Variants in C1orf94 observed in about 807,000 individuals in gnomAD.
C1orf94 encodes the protein uncharacterized protein C1orf94.
In C1orf94, 45 loss-of-function variants were observed where a neutral mutation model predicts 53.6. That is an observed-to-expected ratio of 0.84 (90% CI 0.66 to 1.08). The LOEUF (loss-of-function observed/expected upper bound fraction) is 1.08, where lower values mean the gene tolerates loss of function less well. C1orf94 is among the 50% of genes least tolerant of loss of function. C1orf94 has a pLI of 0.00. For missense variants in C1orf94, 762 were observed against 738.9 expected (o/e 1.03, Z -0.36); for synonymous variants, 304 against 296.1 (o/e 1.03, Z -0.27).
intron 2 of C1orf94, among the ~76,000 whole-genome samples, chr1:34,199,724 G>A (rs1249049691): frequency 6.6e-6 from 1 of 152,154 alleles, no homozygotes; most frequent in African/African-American, 2.4e-5. Context: ...GTCTGCATTG[G>A]GAGAATAAAT....
chr1:34,180,421 A>C lies in C1orf94; in HGVS notation c.320+2312A>C, dbSNP rs552214902. On this transcript the variant is annotated intron_variant, in intron 1 of 6. Coordinates refer to ENST00000488417, the MANE Select transcript of C1orf94 (RefSeq NM_001134734.2). The stretch of plus-strand genomic sequence containing the variant: ...ATCACTGAGTTTCAATAATTATCAC[A>C]TTGTGCCATTCTGGTTTCAATTGCT... 1.9e-3 allele frequency among the ~76,000 whole-genome samples: 295 copies of C among 152,346 alleles called. 3 individuals carry two copies. Among genetic ancestry groups the C allele is most frequent in the Non-Finnish European group, 3.7e-3 (251 of 68,040 alleles).
intron 1 of C1orf94, among the ~76,000 whole-genome samples, chr1:34,188,740 G>A (rs1030112101): frequency 6.6e-6 from 1 of 152,180 alleles, no homozygotes; most frequent in African/African-American, 2.4e-5. Context: ...GGAGGGCTGG[G>A]GGTGGGGAGG....
At position 34,197,606 on chromosome 1, in the gene C1orf94, G is replaced by T. The variant is rs1185858537; in HGVS notation, c.702G>T (p.Leu234Phe). The T allele has an allele frequency of 2.5e-6, 4 of 1,614,012 alleles. No homozygotes were observed. The highest frequency in any genetic ancestry group is 3.4e-6 in the Non-Finnish European group (4 of 1,180,024). The change falls in exon 2 of 7, where the codon TTG (leucine) becomes TTT (phenylalanine). Residue 234 changes from leucine to phenylalanine, a missense_variant. Leu to Phe is a conservative substitution (Grantham distance 22, BLOSUM62 0). Coordinates refer to ENST00000488417, the MANE Select transcript of C1orf94 (RefSeq NM_001134734.2). The surrounding 1 kb of genome is among the most constrained non-coding windows in gnomAD (Gnocchi z 4.1). ...GCCGCATCCTAGGTGACTCCAACTT[G>T]CAAGTCAGCAAGCTTCTGTCCCAGT... ...DRGRILGDSN[L>F]QVSKLLSQFP...
chr1:34,179,737 GTTGTTGTTGTTGTTT>G (rs936003279), intron 1 of C1orf94, among the ~76,000 whole-genome samples: 3 of 152,148 alleles, frequency 2.0e-5, no homozygotes, highest in African/African-American at 4.8e-5. Context: ...GGGATTTGTT[GTTGTTGTTGTTGTTT>G]TTGTTGTTGT....
rs540897178 is a variant in C1orf94, at chr1:34,178,025, C to G, written c.236C>G (p.Ala79Gly). ...IWKRVQGLPE[A>G]SQPWTSMEQL... ...AAGAGAGTTCAAGGCCTGCCTGAGG[C>G]CTCACAGCCCTGGACCTCCATGGAG... The change falls in exon 1 of 7, where the codon GCC becomes GGC. Residue 79 changes from alanine (A) to glycine (G), a missense_variant. By Grantham distance (60) the Ala-to-Gly change is moderately conservative. Coordinates refer to ENST00000488417, the MANE Select transcript of C1orf94 (RefSeq NM_001134734.2). 1 of 1,551,736 alleles carries G rather than the reference C, an allele frequency of 6.4e-7. No individual in the cohort carries two copies. The highest frequency in any genetic ancestry group is 2.4e-5 in the East Asian group (1 of 40,906).
upstream of C1orf94, among the ~76,000 whole-genome samples, chr1:34,175,788 A>G (rs1384252918): frequency 6.6e-6 from 1 of 152,036 alleles, no homozygotes; most frequent in East Asian, 1.9e-4. Context: ...ATCCTTCTCA[A>G]ATTTTTCTCC....
At chr1:34,178,207 A>G (rs1195290138) in intron 1 of C1orf94, 98 bp downstream of exon 1, 18 of 1,295,112 alleles carry the variant, frequency 1.4e-5, no homozygotes, top group African/African-American at 3.0e-5. Flanking sequence ...AGGCTGGTGA[A>G]ACCCTAAAGG....
Position 34,212,263 on chromosome 1 carries a change from C to T in C1orf94, c.1578C>T (p.Tyr526=). Residue 526 remains tyrosine (Y), a synonymous_variant, in exon 6 of 7, where the codon TAC becomes TAT. Transcript: ENST00000488417. The stretch of plus-strand genomic sequence containing the variant: ...GACAGCAGATCTTCCGCTCTTCCTA[C>T]ACCCCTCTGCTGAGCTACATCCCTT... The part of the protein sequence containing the change: ...QMGQQIFRSS[Y]TPLLSYIPFV... 1 of 1,613,908 alleles carries T rather than the reference C, an allele frequency of 6.2e-7. No individual in the cohort carries two copies. Among genetic ancestry groups the T allele is most frequent in the Non-Finnish European group, 8.5e-7 (1 of 1,179,916 alleles).
intron 1 of C1orf94, among the ~76,000 whole-genome samples, chr1:34,194,604 C>A (rs547876659): frequency 6.6e-6 from 1 of 152,304 alleles, no homozygotes; most frequent in African/African-American, 2.4e-5. Context: ...CTGGCTTTAG[C>A]AATGATTAAC....
intron 1 of C1orf94, among the ~76,000 whole-genome samples, chr1:34,193,268 T>C (rs1000087783): frequency 1.1e-4 from 16 of 152,068 alleles, no homozygotes; most frequent in African/African-American, 3.6e-4. Context: ...GAGGAGAGTC[T>C]CCGGTAGTGT....
chr1:34,185,956 T>C (rs1378254496), intron 1 of C1orf94, among the ~76,000 whole-genome samples: 1 of 152,242 alleles, frequency 6.6e-6, no homozygotes, highest in Non-Finnish European at 1.5e-5. Flanking sequence ...GCTCATGTTA[T>C]TCCACTACCA....
At chr1:34,195,374 C>T (rs138514715) in intron 1 of C1orf94, among the ~76,000 whole-genome samples, 37 of 152,186 alleles carry the variant, frequency 2.4e-4, no homozygotes, top group Middle Eastern at 3.4e-3. Flanking sequence ...TTCCAGGGTC[C>T]GACATGAAAA....
chr1:34,183,340 G>A (rs1318902742), intron 1 of C1orf94, among the ~76,000 whole-genome samples: 1 of 152,238 alleles, frequency 6.6e-6, no homozygotes, highest in African/African-American at 2.4e-5. Flanking sequence ...GCCTCAGAAT[G>A]AGGTCTTTGG....
In C1orf94 at chr1:34,197,752, C is replaced by T; in HGVS notation, c.848C>T (p.Pro283Leu). The change falls in exon 2 of 7, where the codon CCC becomes CTC. Residue 283 changes from proline to leucine, a missense_variant. Transcript: ENST00000488417. The surrounding 1 kb of genome is among the most constrained non-coding windows in gnomAD (Gnocchi z 4.1). ...TTCAGTGGCCCTGGACCCAAGGAGCCCACAGGGCTGAGCCCATTTCTGCTG... is the reference window on the plus strand; with the variant it reads ...TTCAGTGGCCCTGGACCCAAGGAGCTCACAGGGCTGAGCCCATTTCTGCTG... ...NLFSGPGPKE[P>L]TGLSPFLLLP... is the part of the protein sequence containing the mutation. The T allele has an allele frequency of 6.2e-7, 1 of 1,614,164 alleles. No homozygotes were observed. The highest frequency in any genetic ancestry group is 8.5e-7 in the Non-Finnish European group (1 of 1,180,020).
In C1orf94 at chr1:34,208,321, C is replaced by G. The variant is rs990654162; in HGVS notation, c.1524+87C>G. The G allele has an allele frequency of 1.3e-5, 18 of 1,348,804 alleles. No homozygotes were observed. In the African/African-American group the frequency reaches 2.3e-4, roughly 17 times the overall value. 83.6% of individuals were successfully genotyped at this position (1,348,804 alleles called of 1,614,324 possible). A position where few individuals can be genotyped will look rare whatever the true frequency, so the allele number is the denominator to read the frequency against. On this transcript the variant is annotated intron_variant, in intron 5 of 6. Coordinates refer to ENST00000488417, the MANE Select transcript of C1orf94 (RefSeq NM_001134734.2). ...CATCTGCTCCCTCCTCCTTTTCCAG[C>G]TGGTGACCAGACACCTGGCCCACCA...
chr1:34,201,292 C>T (rs979611308), intron 3 of C1orf94, among the ~76,000 whole-genome samples: 1 of 152,190 alleles, frequency 6.6e-6, no homozygotes, highest in African/African-American at 2.4e-5. Context: ...CCTGACCCAG[C>T]ATGTATTATA....
chr1:34,200,933 GA>G lies in C1orf94; in HGVS notation c.1172del (p.Glu391GlyfsTer32), dbSNP rs1469168750. ...GCCCAAGAAACCTACATGTCCAGCC[GA>G]GAAGAACTTGCTCTATGAGTTCCTT... ...LPPKKPTCPA[E>X]KNLLYEFLGA... is the part of the protein sequence containing the mutation. On this transcript the variant is annotated frameshift_variant, in exon 3 of 7. Transcript: ENST00000488417. LOFTEE classifies it high-confidence loss of function. 3.5e-5 allele frequency: 57 copies of G among 1,614,010 alleles called. No individual in the cohort carries two copies. In the Admixed American group the frequency reaches 9.5e-4, roughly 27 times the overall value.
intron 4 of C1orf94, among the ~76,000 whole-genome samples, chr1:34,203,940 C>A (rs535452487): frequency 3.3e-5 from 5 of 152,314 alleles, no homozygotes; most frequent in African/African-American, 1.2e-4. Context: ...ATTCTCCATG[C>A]CTAAGATTTC....
chr1:34,202,411 G>T (rs1255026349), intron 4 of C1orf94, 152 bp downstream of exon 4: 1 of 835,834 alleles, frequency 1.2e-6, no homozygotes, highest in East Asian at 2.8e-5. Flanking sequence ...CTATGGAAGG[G>T]CGCTGTCAAC....
Sources: allele counts gnomAD v4.1 joint callset (sites outside exome capture counted in the v4.1 genomes callset), GRCh38; gene constraint gnomAD v4.1.1; non-coding constraint Gnocchi (gnomAD v3.1); transcripts MANE v1.5; gene names NCBI Gene and HGNC (gene_info 2026-07-23, HGNC 2026-07-21).